The following ST3GAL2 variants were observed in gnomAD, a reference collection of about 807,000 sequenced individuals.
ST3GAL2 encodes the protein ST3 beta-galactoside alpha-2,3-sialyltransferase 2.
In ST3GAL2, 16 loss-of-function variants were observed where a neutral mutation model predicts 37.5. The ratio of observed to expected loss-of-function variants is 0.43; its 90% CI spans 0.29 to 0.65. ST3GAL2 has a LOEUF of 0.65. ST3GAL2 is among the 30% of genes least tolerant of loss of function. The pLI is 0.17. For synonymous variants in ST3GAL2, 238 were observed against 202.9 expected, an observed-to-expected ratio of 1.17 and a Z score of -1.47; for missense variants, 383 against 487.8, an observed-to-expected ratio of 0.79 and a Z score of 2.02.
chr16:70,436,774 G>A (rs1012192957), intron 1 of ST3GAL2, among the ~76,000 whole-genome samples: 2 of 152,150 alleles, frequency 1.3e-5, no homozygotes, highest in African/African-American at 4.8e-5. Context: ...AAGCCAGGTG[G>A]TGGTATTTCA....
chr16:70,420,228 A>T (rs9921696), intron 1 of ST3GAL2, among the ~76,000 whole-genome samples: 13,424 of 151,970 alleles, frequency 0.088, 1,923 homozygotes, highest in African/African-American at 0.3. Context: ...GCCAAGATCA[A>T]ATGTTGGAGA....
intron 1 of ST3GAL2, among the ~76,000 whole-genome samples, chr16:70,408,908 A>G (rs985071982): frequency 1.1e-4 from 13 of 114,940 alleles, no homozygotes; most frequent in African/African-American, 4.5e-4. Context: ...AAAAAAAAAA[A>G]AAAAAAAAAA....
At chr16:70,382,678 G>A in intron 6 of ST3GAL2, 127 bp downstream of exon 6, 1 of 1,424,540 alleles carries the variant, frequency 7.0e-7, no homozygotes, top group East Asian at 2.3e-5. Context: ...CCTAGAGATG[G>A]GGGAAACCAA....
chr16:70,398,543 C>G lies in ST3GAL2; in HGVS notation c.-13G>C, dbSNP rs767852990. On this transcript the variant is annotated 5_prime_UTR_variant, in exon 2 of 7. Coordinates refer to ENST00000342907, the MANE Select transcript of ST3GAL2 (RefSeq NM_006927.4). ...GGGAGCACTTCATGGTGCCGGCAGG[C>G]GGGTGACGGTCACCGTGGCCACTCT... 6.3e-7 allele frequency: 1 copy of G among 1,576,770 alleles called. No individual in the cohort carries two copies. Among genetic ancestry groups the G allele is most frequent in the African/African-American group, 1.3e-5 (1 of 74,094 alleles).
intron 5 of ST3GAL2, 24 bp downstream of exon 5, chr16:70,383,166 G>A: frequency 6.2e-7 from 1 of 1,612,756 alleles, no homozygotes; most frequent in East Asian, 2.2e-5. Flanking sequence ...TTCCACTGAG[G>A]TGGGGAAGAA....
chr16:70,384,445 G>C (rs1428374907), intron 4 of ST3GAL2, among the ~76,000 whole-genome samples: 1 of 152,142 alleles, frequency 6.6e-6, no homozygotes, highest in Non-Finnish European at 1.5e-5. Context: ...GGTGGCTCAC[G>C]CCTGTAATCC....
intron 3 of ST3GAL2, among the ~76,000 whole-genome samples, chr16:70,391,216 C>A (rs1031596304): frequency 1.3e-5 from 2 of 152,292 alleles, no homozygotes; most frequent in Non-Finnish European, 2.9e-5. Context: ...CTCATTTTCC[C>A]TTCCCTTGAG....
rs374278069 is a variant in ST3GAL2, at chr16:70,398,397, G to A, written c.134C>T (p.Thr45Met). ...GCCGGGCACCAGCTTCACCCGGTGC[G>A]TCCCATCCAGGGCCCCTGAGTCCAG... is the stretch of plus-strand genomic sequence containing the variant. The part of the protein sequence containing the change: ...PYLDSGALDG[T>M]HRVKLVPGYA... The change falls in exon 2 of 7, where the codon ACG (threonine) becomes ATG (methionine). Residue 45 changes from threonine to methionine, a missense_variant. By Grantham distance (81) the Thr-to-Met change is moderately conservative. Coordinates refer to ENST00000342907, the MANE Select transcript of ST3GAL2 (RefSeq NM_006927.4). 65 of 1,613,526 alleles carry A rather than the reference G, an allele frequency of 4.0e-5. No homozygotes were observed. The highest frequency in any genetic ancestry group is 2.9e-4 in the East Asian group (13 of 44,892).
intron 4 of ST3GAL2, 108 bp from the exon 5 acceptor site, chr16:70,383,343 G>C: frequency 1.9e-6 from 2 of 1,062,844 alleles, no homozygotes; most frequent in Non-Finnish European, 2.6e-6. Flanking sequence ...CTGAGGCCAG[G>C]AGTTCGAGGC....
chr16:70,411,013 T>C (rs1488692455), intron 1 of ST3GAL2, among the ~76,000 whole-genome samples: 1 of 152,028 alleles, frequency 6.6e-6, no homozygotes, highest in Admixed American at 6.6e-5. Flanking sequence ...TCACCAGGAA[T>C]TGGTTTGAGG....
At chr16:70,393,122 G>A (rs1331243043) in intron 3 of ST3GAL2, among the ~76,000 whole-genome samples, 1 of 140,354 alleles carries the variant, frequency 7.1e-6, no homozygotes, top group African/African-American at 2.7e-5. Flanking sequence ...TTTCTCTCTT[G>A]TTGCCCAGGC....
At chr16:70,396,906 C>A (rs946647669) in intron 2 of ST3GAL2, among the ~76,000 whole-genome samples, 3 of 151,920 alleles carry the variant, frequency 2.0e-5, no homozygotes, top group East Asian at 3.9e-4. Flanking sequence ...CAGGGAGGAC[C>A]CCCCCAGCCC....
intron 1 of ST3GAL2, chr16:70,401,240 G>C (rs538218408): frequency 6.6e-6 from 1 of 152,518 alleles, no homozygotes; most frequent in South Asian, 2.1e-4. Context: ...GGCAGAGCTG[G>C]CACAGGAGGC....
chr16:70,398,936 G>C lies in ST3GAL2; in HGVS notation c.-406C>G, dbSNP rs997336138. On this transcript the variant is annotated 5_prime_UTR_variant, in exon 2 of 7. Transcript: ENST00000342907. ...GAAATAATCCAGTCTGGAGCAGTCG[G>C]GGTCCTTGTGGTTCATGAGCAGACA... 2 of 436,606 alleles carry C rather than the reference G, an allele frequency of 4.6e-6. No homozygotes were observed. Among genetic ancestry groups the C allele is most frequent in the Non-Finnish European group, 8.0e-6 (2 of 248,604 alleles). The allele number at this position is 436,606 out of a possible 1,614,324, so 27.0% of individuals were successfully genotyped here.
chr16:70,389,155 G>A lies in ST3GAL2; in HGVS notation c.534-609C>T, dbSNP rs1435153220. ...AGCACTTTGGGAGGCCGAGGTGGGC[G>A]GATCACGAGGTCAGGAGATCGAGAC... is the stretch of plus-strand genomic sequence containing the variant. On this transcript the variant is annotated intron_variant, in intron 3 of 6. Transcript: ENST00000342907. 4.8e-5 allele frequency among the ~76,000 whole-genome samples: 6 copies of A among 124,906 alleles called. No homozygotes were observed. The South Asian group carries it at 1.6e-3, about 34-fold the overall frequency. The allele number at this position is 124,906 out of a possible 152,430, so 81.9% of individuals were successfully genotyped here.
chr16:70,420,137 A>C (rs563088314), intron 1 of ST3GAL2, among the ~76,000 whole-genome samples: 2 of 151,720 alleles, frequency 1.3e-5, no homozygotes, highest in African/African-American at 4.8e-5. Flanking sequence ...ACTTCCATCA[A>C]CTAGGCCAAC....
intron 1 of ST3GAL2, among the ~76,000 whole-genome samples, chr16:70,434,017 G>A (rs1204458378): frequency 1.3e-5 from 2 of 152,044 alleles, no homozygotes; most frequent in South Asian, 2.1e-4. Flanking sequence ...GGATGACTTC[G>A]ACCTCCTTTA....
chr16:70,394,846 T>C, intron 3 of ST3GAL2, 136 bp downstream of exon 3: 1 of 964,496 alleles, frequency 1.0e-6, no homozygotes, highest in Non-Finnish European at 1.5e-6. Context: ...AAGCCTGCTG[T>C]GAAAGACTCT....
intron 2 of ST3GAL2, 35 bp from the exon 3 acceptor site, chr16:70,395,210 G>T (rs745943618): frequency 6.4e-6 from 10 of 1,572,292 alleles, no homozygotes; most frequent in Non-Finnish European, 8.6e-6. Context: ...AAACGAGGAA[G>T]GGGAGAGGTG....
Sources: allele counts gnomAD v4.1 joint callset (sites outside exome capture counted in the v4.1 genomes callset), GRCh38; gene constraint gnomAD v4.1.1; transcripts MANE v1.5; gene names NCBI Gene and HGNC (gene_info 2026-07-23, HGNC 2026-07-21).